The following SUV39H2 variants were observed in gnomAD, a reference collection of about 807,000 sequenced individuals.
The protein encoded by SUV39H2 is histone-lysine N-methyltransferase SUV39H2.
Under a neutral mutation model 47.5 loss-of-function variants are expected in SUV39H2, and 10 were observed. That is an observed-to-expected ratio of 0.21 (90% confidence interval 0.13 to 0.36). SUV39H2 has a LOEUF of 0.36. Ranked by LOEUF, SUV39H2 falls within the 10% of genes least tolerant of loss-of-function variation. The pLI is 1.00. For missense variants in SUV39H2, 266 were observed against 487.4 expected (o/e 0.55, Z 4.28); for synonymous variants, 159 against 166.8 (o/e 0.95, Z 0.36).
chr10:14,882,043 C>T (rs1173624371), intron 2 of SUV39H2, among the ~76,000 whole-genome samples: 3 of 152,210 alleles, frequency 2.0e-5, no homozygotes, highest in East Asian at 1.9e-4. Context: ...TTTGCATTTC[C>T]TGCCATCTTG....
intron 2 of SUV39H2, among the ~76,000 whole-genome samples, chr10:14,894,314 A>G (rs1302296620): frequency 6.8e-6 from 1 of 148,016 alleles, no homozygotes; most frequent in Non-Finnish European, 1.5e-5. Context: ...CACATTTTTT[A>G]AGAGAAGAAA....
In SUV39H2 at chr10:14,899,695, C is replaced by T. The variant is rs1056233424; in HGVS notation, c.996+10C>T. On this transcript the variant is annotated intron_variant, in intron 4 of 5. Transcript: ENST00000354919. ...TTTTGTGAATCACAGCGTAAGAAGA[C>T]ATACGTAAATTTTAGACACGACTAA... is the stretch of plus-strand genomic sequence containing the variant. 24 of 1,612,504 alleles carry T rather than the reference C, an allele frequency of 1.5e-5. No individual in the cohort carries two copies. Among genetic ancestry groups the T allele is most frequent in the Admixed American group, 1.2e-4 (7 of 59,702 alleles).
chr10:14,884,693 G>A (rs984810749), intron 2 of SUV39H2, among the ~76,000 whole-genome samples: 1 of 152,100 alleles, frequency 6.6e-6, no homozygotes, highest in African/African-American at 2.4e-5. Context: ...TGAAGACCTT[G>A]CATCTTATTC....
At chr10:14,879,026 C>G (rs546281477) in intron 1 of SUV39H2, 107 bp downstream of exon 1, 1 of 1,318,798 alleles carries the variant, frequency 7.6e-7, no homozygotes, top group Non-Finnish European at 9.7e-7. Flanking sequence ...CGTGGCGGTT[C>G]CCCGCCCGCC....
chr10:14,885,292 G>A (rs550086678), intron 2 of SUV39H2, among the ~76,000 whole-genome samples: 2 of 152,290 alleles, frequency 1.3e-5, no homozygotes, highest in South Asian at 4.1e-4. Flanking sequence ...CCTGGATTTT[G>A]CACTAGTGTT....
chr10:14,900,510 A>G (rs1426502786), intron 4 of SUV39H2, among the ~76,000 whole-genome samples: 1 of 152,168 alleles, frequency 6.6e-6, no homozygotes, highest in Non-Finnish European at 1.5e-5. Flanking sequence ...AACATTGAAG[A>G]ATTTTTTTCT....
In SUV39H2 at chr10:14,903,686, T is replaced by C. The variant is rs1834168885; in HGVS notation, c.*1174T>C. On this transcript the variant is annotated 3_prime_UTR_variant, in exon 6 of 6. Coordinates refer to ENST00000354919, the MANE Select transcript of SUV39H2 (RefSeq NM_001193424.2). ...TCAAGGGAGTGGGAGGCTTCCAACA[T>C]AGTATTGAATCTCAGGAAAAACTAT... The C allele has an allele frequency of 6.6e-6, 1 of 152,188 alleles. No homozygotes were observed. Among genetic ancestry groups the C allele is most frequent in the South Asian group, 2.1e-4 (1 of 4,834 alleles). 9.4% of individuals were successfully genotyped at this position (152,188 alleles called of 1,614,324 possible).
rs200539708 is a variant in SUV39H2, at chr10:14,897,223, T to C, written c.555T>C (p.Asn185=). ...CAGCTCCTGGAATCAGCTTAGTCAA[T>C]GAAGCTACCTTTGGTTGTTCATGCA... The part of the protein sequence containing the change: ...YKPAPGISLV[N]EATFGCSCTD... Residue 185 remains asparagine, a synonymous_variant, in exon 3 of 6, where the codon AAT becomes AAC. Coordinates refer to ENST00000354919, the MANE Select transcript of SUV39H2 (RefSeq NM_001193424.2). 4 of 1,613,788 alleles carry C rather than the reference T, an allele frequency of 2.5e-6. No individual in the cohort carries two copies. The highest frequency in any genetic ancestry group is 2.2e-5 in the East Asian group (1 of 44,902).
intron 2 of SUV39H2, among the ~76,000 whole-genome samples, chr10:14,891,570 T>C (rs923540173): frequency 5.9e-5 from 9 of 152,052 alleles, no homozygotes; most frequent in South Asian, 2.1e-4. Flanking sequence ...CAGGCAAGAA[T>C]TGTGGGCCTG....
At position 14,897,261 on chromosome 10, in the gene SUV39H2, T is replaced by C. The variant is rs1166533921; in HGVS notation, c.593T>C (p.Phe198Ser). 1.2e-6 allele frequency: 2 copies of C among 1,613,946 alleles called. No individual in the cohort carries two copies. Residue 198 changes from phenylalanine to serine, a missense_variant, in exon 3 of 6, where the codon TTT (phenylalanine) becomes TCT (serine). Phe to Ser is a radical substitution (Grantham distance 155, BLOSUM62 -2). This residue lies in a region of SUV39H2 where 112 missense variants were observed against 271.9 expected (regional missense o/e 0.41). Coordinates refer to ENST00000354919, the MANE Select transcript of SUV39H2 (RefSeq NM_001193424.2). ...GGTTGTTCATGCACAGATTGCTTCT[T>C]TCAAAAATGTTGTCCTGCTGAAGCT... is the stretch of plus-strand genomic sequence containing the variant. ...TFGCSCTDCF[F>S]QKCCPAEAGV...
chr10:14,879,194 C>A, intron 1 of SUV39H2: 1 of 1,089,098 alleles, frequency 9.2e-7, no homozygotes, highest in Non-Finnish European at 1.1e-6. Context: ...CTCGGCCCGG[C>A]CCCCTCCGCG....
At position 14,884,208 on chromosome 10, in the gene SUV39H2, T is replaced by A. The variant is rs140413581; in HGVS notation, c.177+2563T>A. ...GGTATATAACGAGGAGTGGAATTGCTGGGTCATATGGTGACTCTGTGTTTA... is the reference window on the plus strand; with the variant it reads ...GGTATATAACGAGGAGTGGAATTGCAGGGTCATATGGTGACTCTGTGTTTA... On this transcript the variant is annotated intron_variant, in intron 2 of 5. Coordinates refer to ENST00000354919, the MANE Select transcript of SUV39H2 (RefSeq NM_001193424.2). Among the ~76,000 whole-genome samples, 940 of 152,350 alleles carry A rather than the reference T, an allele frequency of 6.2e-3. 7 individuals are homozygous for A. The highest frequency in any genetic ancestry group is 0.021 in the African/African-American group (888 of 41,582).
At chr10:14,891,740 G>A (rs766094700) in intron 2 of SUV39H2, among the ~76,000 whole-genome samples, 1 of 152,170 alleles carries the variant, frequency 6.6e-6, no homozygotes, top group Non-Finnish European at 1.5e-5. Flanking sequence ...AAGGAATAAA[G>A]AAATAATCTG....
rs59724299 is a variant in SUV39H2 at position 14,899,391 on chromosome 10, G to A, written c.850-148G>A. 2,122 of 822,562 alleles carry A rather than the reference G, an allele frequency of 2.6e-3. 33 individuals are homozygous for A. The African/African-American group carries it at 0.032, about 13-fold the overall frequency. 51.0% of individuals were successfully genotyped at this position (822,562 alleles called of 1,614,324 possible). A position where few individuals can be genotyped will look rare whatever the true frequency, so the allele number is the denominator to read the frequency against. On this transcript the variant is annotated intron_variant, in intron 3 of 5. Transcript: ENST00000354919. The stretch of plus-strand genomic sequence containing the variant: ...CATTTTCCCACCTCTTTGCATCTGA[G>A]TCTTAGTTTGTGTGAATGTTTGCTT...
chr10:14,902,631 T>A lies in SUV39H2; in HGVS notation c.*119T>A, dbSNP rs1199682979. 2.9e-6 allele frequency: 2 copies of A among 681,004 alleles called. No homozygotes were observed. Among genetic ancestry groups the A allele is most frequent in the Non-Finnish European group, 4.7e-6 (2 of 427,870 alleles). 42.2% of individuals were successfully genotyped at this position (681,004 alleles called of 1,614,324 possible). A position where few individuals can be genotyped will look rare whatever the true frequency, so the allele number is the denominator to read the frequency against. ...TCTACCTATGTTAATTTACAATTCA[T>A]GTTTCAAGACATTTGCCAAATGTAT... On this transcript the variant is annotated 3_prime_UTR_variant, in exon 6 of 6. Transcript: ENST00000354919.
intron 3 of SUV39H2, chr10:14,899,132 C>G (rs1224774168): frequency 1.5e-6 from 1 of 675,678 alleles, no homozygotes; most frequent in Admixed American, 2.1e-5. Flanking sequence ...CCAGTGTGGG[C>G]AACATAGTGA....
chr10:14,886,123 A>G (rs1833200665), intron 2 of SUV39H2, among the ~76,000 whole-genome samples: 2 of 152,220 alleles, frequency 1.3e-5, no homozygotes, highest in African/African-American at 4.8e-5. Context: ...TGAGCTAGGC[A>G]CTGTTCTAAG....
At chr10:14,887,755 G>A (rs1468234796) in intron 2 of SUV39H2, among the ~76,000 whole-genome samples, 2 of 152,190 alleles carry the variant, frequency 1.3e-5, no homozygotes, top group African/African-American at 4.8e-5. Flanking sequence ...CGTTCAGTGA[G>A]GGTAGAAATA....
chr10:14,881,379 A>C, intron 1 of SUV39H2, 121 bp from the exon 2 acceptor site: 1 of 817,050 alleles, frequency 1.2e-6, no homozygotes, highest in Non-Finnish European at 1.7e-6. Context: ...GTTTCTTGTC[A>C]TAGGAATTTT....
Sources: gnomAD v4.1 joint callset for allele counts (sites outside exome capture counted in the v4.1 genomes callset) on GRCh38, gnomAD v4.1.1 for gene constraint, gnomAD v4.1.1 regional missense constraint, MANE v1.5 for transcripts, NCBI Gene and HGNC (gene_info 2026-07-23, HGNC 2026-07-21) for gene names.